The following GRTP1 variants were observed in gnomAD, a reference collection of about 807,000 sequenced individuals.
GRTP1 encodes the protein growth hormone-regulated TBC protein 1.
In GRTP1, 56 loss-of-function variants were observed where a neutral mutation model predicts 38.1. The ratio of observed to expected loss-of-function variants is 1.47; its 90% confidence interval spans 1.19 to 1.84. GRTP1 has a LOEUF of 1.84. Among genes scored for constraint, GRTP1 ranks in the 40% most tolerant of loss-of-function variants. The pLI, the probability that GRTP1 is intolerant of heterozygous loss-of-function variation, is 0.00. For synonymous variants in GRTP1, 217 were observed against 189.5 expected (o/e 1.14, Z -1.19); for missense variants, 506 against 453.9 (o/e 1.11, Z -1.04).
At chr13:113,354,853 CTG>C (rs1201942930) in intron 3 of GRTP1, among the ~76,000 whole-genome samples, 4 of 152,044 alleles carry the variant, frequency 2.6e-5, no homozygotes, top group African/African-American at 9.7e-5. Context: ...TGTTAGCACT[CTG>C]AACTTCTGAG....
chr13:113,349,184 TTTG>T lies in GRTP1; in HGVS notation c.465+1662_465+1664del, dbSNP rs2043219129. On this transcript the variant is annotated intron_variant, in intron 4 of 7. Coordinates refer to ENST00000375431, the MANE Select transcript of GRTP1 (RefSeq NM_024719.4). The surrounding 1 kb of genome is among the most constrained non-coding windows in gnomAD (Gnocchi z 5.0). ...GCCACCCAGGTGGGTGGTGTTTTTTTTTGTTTGTTTCTCGGTTTTTTTCAGACA... is the reference window on the plus strand; with the variant it reads ...GCCACCCAGGTGGGTGGTGTTTTTTTTTTGTTTCTCGGTTTTTTTCAGACA... 6.6e-6 allele frequency among the ~76,000 whole-genome samples: 1 copy of T among 151,240 alleles called. No homozygotes were observed. Among genetic ancestry groups the T allele is most frequent in the African/African-American group, 2.4e-5 (1 of 41,178 alleles).
chr13:113,325,110 G>A (rs1488307498), intron 7 of GRTP1: 20 of 1,013,460 alleles, frequency 2.0e-5, no homozygotes, highest in Admixed American at 5.1e-5. Flanking sequence ...GACTGCAGGC[G>A]TGAGCCACCG....
At chr13:113,331,984 T>G (rs1413459275) in intron 5 of GRTP1, among the ~76,000 whole-genome samples, 2 of 151,180 alleles carry the variant, frequency 1.3e-5, no homozygotes, top group Non-Finnish European at 3.0e-5. Flanking sequence ...AAAAGGTATT[T>G]TGGGCCGGGT....
intron 2 of GRTP1, among the ~76,000 whole-genome samples, chr13:113,361,198 A>G (rs2043490936): frequency 7.5e-6 from 1 of 133,330 alleles, no homozygotes; most frequent in Non-Finnish European, 1.6e-5. Flanking sequence ...AAGAGTTGAT[A>G]GAGACCAATG....
intron 5 of GRTP1, among the ~76,000 whole-genome samples, chr13:113,335,038 G>T (rs1045557675): frequency 2.0e-5 from 3 of 151,872 alleles, no homozygotes; most frequent in Admixed American, 2.0e-4. Flanking sequence ...TAGCCAGGAT[G>T]GTCTCGATCT....
rs2043223462 is a variant in GRTP1 at position 113,349,536 on chromosome 13, G to A, written c.465+1313C>T. 2.0e-5 allele frequency among the ~76,000 whole-genome samples: 3 copies of A among 152,214 alleles called. No homozygotes were observed. The highest frequency in any genetic ancestry group is 4.4e-5 in the Non-Finnish European group (3 of 68,036). On this transcript the variant is annotated intron_variant, in intron 4 of 7. Coordinates refer to ENST00000375431, the MANE Select transcript of GRTP1 (RefSeq NM_024719.4). This position sits in a 1 kb window ranked among gnomAD's most constrained non-coding sequence, Gnocchi z 5.0. ...CTTGCTCCTGGACAGTCATAAAAGT[G>A]AGGAATGGCAGGAATTCTGTCTGCA...
chr13:113,362,153 T>TA (rs922863932), intron 2 of GRTP1, among the ~76,000 whole-genome samples: 11 of 134,164 alleles, frequency 8.2e-5, no homozygotes, highest in Non-Finnish European at 1.3e-4. Flanking sequence ...CGTCTCAAAA[T>TA]AAAAAAAATA....
At chr13:113,355,103 TA>T in intron 3 of GRTP1, 1 of 509,890 alleles carries the variant, frequency 2.0e-6, no homozygotes, top group South Asian at 3.1e-5. Context: ...ATTTTCTTAT[TA>T]GCCAGCTAGG....
At chr13:113,330,002 T>C (rs2042833974) in intron 5 of GRTP1, among the ~76,000 whole-genome samples, 1 of 151,964 alleles carries the variant, frequency 6.6e-6, no homozygotes. Context: ...CCCGGGTGCG[T>C]GCATGGGAGC....
At chr13:113,325,220 C>T in intron 7 of GRTP1, 3 of 1,148,222 alleles carry the variant, frequency 2.6e-6, no homozygotes, top group Non-Finnish European at 3.2e-6. Flanking sequence ...GCCTCCACTC[C>T]CTCTTAGGAA....
At chr13:113,338,069 T>C (rs987933050) in intron 5 of GRTP1, among the ~76,000 whole-genome samples, 39 of 152,236 alleles carry the variant, frequency 2.6e-4, no homozygotes, top group African/African-American at 9.2e-4. Flanking sequence ...CACCGACTCA[T>C]GACTGACGCA....
intron 5 of GRTP1, among the ~76,000 whole-genome samples, chr13:113,338,527 A>AGATGGGATCTCAGCCCGGG (rs564522940): frequency 6.6e-5 from 10 of 152,176 alleles, no homozygotes; most frequent in Admixed American, 3.9e-4. Flanking sequence ...GGGAGGCCTG[A>AGATGGGATCTCAGCCCGGG]GATGGGATCT....
chr13:113,325,465 A>G (rs995456066), intron 7 of GRTP1, 196 bp downstream of exon 7: 19 of 1,450,524 alleles, frequency 1.3e-5, no homozygotes, highest in Non-Finnish European at 1.5e-5. Context: ...CCAAGAAGAC[A>G]GGGCCGCCAT....
intron 2 of GRTP1, among the ~76,000 whole-genome samples, chr13:113,363,365 G>A (rs867305737): frequency 1.3e-5 from 2 of 152,180 alleles, no homozygotes. Flanking sequence ...GAGCCACCAC[G>A]CCCGGCTAAT....
At chr13:113,352,292 T>TTA (rs1491072896) in intron 3 of GRTP1, among the ~76,000 whole-genome samples, 1 of 64,128 alleles carries the variant, frequency 1.6e-5, no homozygotes, top group African/African-American at 6.4e-5. Flanking sequence ...TTATATATAT[T>TTA]TATATATATT....
chr13:113,340,409 GT>G (rs999217200), intron 5 of GRTP1, among the ~76,000 whole-genome samples: 9 of 149,862 alleles, frequency 6.0e-5, no homozygotes, highest in African/African-American at 2.0e-4. Flanking sequence ...AGCTAAGGAG[GT>G]CGAGGCTGCA....
intron 5 of GRTP1, among the ~76,000 whole-genome samples, chr13:113,328,331 G>A (rs2042806347): frequency 6.6e-6 from 1 of 152,182 alleles, no homozygotes; most frequent in African/African-American, 2.4e-5. Context: ...GTCAGACGTG[G>A]GCAGGGGCCA....
At chr13:113,350,034 C>A (rs2043232598) in intron 4 of GRTP1, among the ~76,000 whole-genome samples, 1 of 152,266 alleles carries the variant, frequency 6.6e-6, no homozygotes, top group South Asian at 2.1e-4. Flanking sequence ...CTCTCAGCCA[C>A]GGGGACTCAC....
chr13:113,332,261 A>ACGCACG lies in GRTP1; in HGVS notation c.563-6171_563-6170insCGTGCG, dbSNP rs1566416972. Among the ~76,000 whole-genome samples the ACGCACG allele has an allele frequency of 2.8e-3, 215 of 77,096 alleles. 3 individuals carry two copies. Among genetic ancestry groups the ACGCACG allele is most frequent in the African/African-American group, 7.2e-3 (193 of 26,758 alleles). The allele number at this position is 77,096 out of a possible 152,430, so 50.6% of individuals were successfully genotyped here. On this transcript the variant is annotated intron_variant, in intron 5 of 7. Coordinates refer to ENST00000375431, the MANE Select transcript of GRTP1 (RefSeq NM_024719.4). The stretch of plus-strand genomic sequence containing the variant: ...CACAGGTACACACGTGCACACGCAC[A>ACGCACG]CCACACACAGGTACACACGTGCACA...
Sources: gnomAD v4.1 joint callset for allele counts (sites outside exome capture counted in the v4.1 genomes callset) on GRCh38, gnomAD v4.1.1 for gene constraint, Gnocchi (gnomAD v3.1) non-coding constraint, MANE v1.5 for transcripts, NCBI Gene and HGNC (gene_info 2026-07-23, HGNC 2026-07-21) for gene names.